The following CSTPP1 variants were observed in gnomAD, a reference collection of about 807,000 sequenced individuals.
CSTPP1 encodes UPF0705 protein C11orf49.
At chr11:47,127,465 G>C in the CSTPP1 span, among the ~76,000 whole-genome samples, 3 of 152,172 alleles carry the variant, frequency 2.0e-5, no homozygotes, top group Admixed American at 6.5e-5. Flanking sequence ...AAGAACAAAG[G>C]CTTGACAAAA....
chr11:47,110,347 C>T, the CSTPP1 span, among the ~76,000 whole-genome samples: 1 of 152,058 alleles, frequency 6.6e-6, no homozygotes, highest in South Asian at 2.1e-4. Flanking sequence ...ACTTCTAAAG[C>T]AAATATCCAT....
chr11:46,943,627 G>T, the CSTPP1 span, among the ~76,000 whole-genome samples: 1 of 152,178 alleles, frequency 6.6e-6, no homozygotes, highest in Non-Finnish European at 1.5e-5. Flanking sequence ...TCTACCATTT[G>T]GGAGAATTTT....
the CSTPP1 span, among the ~76,000 whole-genome samples, chr11:47,152,965 T>C: frequency 2.6e-5 from 4 of 152,192 alleles, no homozygotes; most frequent in African/African-American, 9.7e-5. Flanking sequence ...CCAGAGCCTT[T>C]GCCTGCCCTG....
chr11:47,157,725 T>G, the CSTPP1 span: 1 of 1,302,450 alleles, frequency 7.7e-7, no homozygotes, highest in South Asian at 1.3e-5. Flanking sequence ...CTGGCTTGGC[T>G]GTGGGTATCC....
At chr11:47,161,221 T>C in the CSTPP1 span, 3 of 1,614,012 alleles carry the variant, frequency 1.9e-6, no homozygotes, top group Non-Finnish European at 2.5e-6. Context: ...TACTGCCCCC[T>C]TGTGGGGGCC....
At chr11:46,948,970 T>C in the CSTPP1 span, among the ~76,000 whole-genome samples, 1 of 152,062 alleles carries the variant, frequency 6.6e-6, no homozygotes, top group Non-Finnish European at 1.5e-5. Flanking sequence ...GTGGATAAAA[T>C]ACAGGCTACC....
the CSTPP1 span, among the ~76,000 whole-genome samples, chr11:47,116,766 G>A: frequency 5.3e-5 from 7 of 131,164 alleles, no homozygotes; most frequent in South Asian, 2.7e-4. Flanking sequence ...TGCAAGCTCC[G>A]CCTCCCGGGT....
the CSTPP1 span, chr11:46,987,451 C>T: frequency 1.9e-4 from 129 of 693,744 alleles, 1 homozygote; most frequent in South Asian, 2.0e-3. Flanking sequence ...GGTTGTGGGC[C>T]GCCCAAACAT....
At chr11:47,122,091 A>AATATATATATATATATATAT in the CSTPP1 span, among the ~76,000 whole-genome samples, 13 of 31,832 alleles carry the variant, frequency 4.1e-4, no homozygotes, top group Non-Finnish European at 7.0e-4. Context: ...AAAAAAAAAA[A>AATATATATATATATATATAT]ATATATATAT....
chr11:47,028,546 T>C, the CSTPP1 span, among the ~76,000 whole-genome samples: 3 of 152,304 alleles, frequency 2.0e-5, no homozygotes, highest in East Asian at 3.9e-4. Flanking sequence ...CATTCAACTT[T>C]TGTAAAGAAA....
At chr11:47,014,585 C>T in the CSTPP1 span, among the ~76,000 whole-genome samples, 2 of 151,886 alleles carry the variant, frequency 1.3e-5, no homozygotes, top group African/African-American at 4.8e-5. Flanking sequence ...TGACTATAAT[C>T]CCAGCTATTC....
the CSTPP1 span, among the ~76,000 whole-genome samples, chr11:47,001,310 A>C: frequency 6.6e-6 from 1 of 152,184 alleles, no homozygotes; most frequent in Non-Finnish European, 1.5e-5. Flanking sequence ...ATTCATCATC[A>C]AAAGTATTTG....
At chr11:47,121,293 C>T in the CSTPP1 span, among the ~76,000 whole-genome samples, 3 of 152,152 alleles carry the variant, frequency 2.0e-5, no homozygotes, top group Admixed American at 6.5e-5. Context: ...GTTAAAACTG[C>T]GAGTATAATC....
the CSTPP1 span, among the ~76,000 whole-genome samples, chr11:47,006,657 T>C: frequency 6.6e-6 from 1 of 151,714 alleles, no homozygotes; most frequent in South Asian, 2.1e-4. Context: ...CAGTCATGGC[T>C]CACTGCAGCC....
the CSTPP1 span, among the ~76,000 whole-genome samples, chr11:47,040,650 C>T: frequency 1.6e-5 from 2 of 126,798 alleles, no homozygotes; most frequent in East Asian, 2.1e-4. Context: ...CCCTCGACCC[C>T]GGCAATCTCC....
chr11:47,116,720 C>T, the CSTPP1 span, among the ~76,000 whole-genome samples: 5 of 123,818 alleles, frequency 4.0e-5, no homozygotes, highest in South Asian at 3.0e-4. Flanking sequence ...TGCTCTGTCA[C>T]GCAGGCTGGA....
the CSTPP1 span, among the ~76,000 whole-genome samples, chr11:46,974,075 CA>C: frequency 6.6e-6 from 1 of 151,992 alleles, no homozygotes; most frequent in South Asian, 2.1e-4. Flanking sequence ...AAAACAAAAA[CA>C]AAAAATTAAA....
At chr11:46,974,131 G>A in the CSTPP1 span, among the ~76,000 whole-genome samples, 2 of 152,238 alleles carry the variant, frequency 1.3e-5, no homozygotes, top group East Asian at 1.9e-4. Context: ...ACTCCAGGGG[G>A]CTGAGGCAGG....
chr11:47,157,275 C>T, the CSTPP1 span: 1 of 1,503,252 alleles, frequency 6.7e-7, no homozygotes. Flanking sequence ...GGACTGCTGG[C>T]TGCGGAACAG....
Sources: allele counts gnomAD v4.1 joint callset (sites outside exome capture counted in the v4.1 genomes callset), GRCh38; gene constraint gnomAD v4.1.1; transcripts MANE v1.5; gene names NCBI Gene and HGNC (gene_info 2026-07-23, HGNC 2026-07-21).